Variants in PTPRM observed in about 807,000 individuals in gnomAD.
The protein encoded by PTPRM is receptor-type tyrosine-protein phosphatase mu.
Under a neutral mutation model 186.7 loss-of-function variants are expected in PTPRM, and 47 were observed. The ratio of observed to expected loss-of-function variants is 0.25; its 90% confidence interval spans 0.20 to 0.32. The LOEUF (loss-of-function observed/expected upper bound fraction) is 0.32. Among genes scored for constraint, PTPRM ranks in the 10% least tolerant of loss-of-function variants. The pLI is 1.00. For synonymous variants in PTPRM, 668 were observed against 674.9 expected (o/e 0.99, Z 0.16); for missense variants, 1,494 against 1,865.0 (o/e 0.80, Z 3.66).
intron 7 of PTPRM, among the ~76,000 whole-genome samples, chr18:8,043,584 C>T (rs1600225762): frequency 6.6e-6 from 1 of 151,412 alleles, no homozygotes; most frequent in Non-Finnish European, 1.5e-5. Flanking sequence ...TTCTTTTTCA[C>T]GTTGTTCTCC....
chr18:7,621,702 A>G (rs768245189), intron 1 of PTPRM, among the ~76,000 whole-genome samples: 3 of 152,202 alleles, frequency 2.0e-5, no homozygotes, highest in Admixed American at 6.5e-5. Context: ...AGAATGTCGT[A>G]TAGTTGGAAT....
rs761957219 is a variant in PTPRM, at chr18:8,376,144, G to T, written c.3270G>T (p.Val1090=). The change falls in exon 25 of 33, where the codon GTG becomes GTT. Residue 1090 remains valine, a synonymous_variant. Transcript: ENST00000580170. ...ATGCCACCGGCCTGCTGGGATTCGTGCGGCAAGTCAAGTCCAAGAGCCCGC... is the reference window on the plus strand; with the variant it reads ...ATGCCACCGGCCTGCTGGGATTCGTTCGGCAAGTCAAGTCCAAGAGCCCGC... ...PYHATGLLGF[V]RQVKSKSPPS... 10 of 1,613,920 alleles carry T rather than the reference G, an allele frequency of 6.2e-6. No homozygotes were observed. In the South Asian group the frequency reaches 1.1e-4, roughly 18 times the overall value.
At chr18:7,703,734 C>A (rs1295970088) in intron 1 of PTPRM, among the ~76,000 whole-genome samples, 2 of 152,152 alleles carry the variant, frequency 1.3e-5, no homozygotes, top group African/African-American at 4.8e-5. Flanking sequence ...TGAGAGAGGG[C>A]ATCCTTGTCT....
intron 2 of PTPRM, among the ~76,000 whole-genome samples, chr18:7,870,579 GA>G (rs1401969178): frequency 6.6e-6 from 1 of 152,118 alleles, no homozygotes; most frequent in Non-Finnish European, 1.5e-5. Flanking sequence ...CTGTGTAACT[GA>G]AAGATACCTT....
chr18:7,813,425 G>T (rs2044636068), intron 2 of PTPRM, among the ~76,000 whole-genome samples: 1 of 152,194 alleles, frequency 6.6e-6, no homozygotes, highest in Non-Finnish European at 1.5e-5. Flanking sequence ...CGTCCATGCT[G>T]CAGTTCAGTT....
chr18:7,580,118 C>CAA (rs1411153730), intron 1 of PTPRM, among the ~76,000 whole-genome samples: 1 of 152,176 alleles, frequency 6.6e-6, no homozygotes, highest in East Asian at 1.9e-4. Flanking sequence ...TGTAAAATGA[C>CAA]ATTTGATTCA....
chr18:7,680,449 A>G (rs2039454583), intron 1 of PTPRM, among the ~76,000 whole-genome samples: 1 of 152,198 alleles, frequency 6.6e-6, no homozygotes, highest in Admixed American at 6.5e-5. Context: ...TTGATGTTCA[A>G]TACATTGCAG....
chr18:7,694,012 C>T (rs1035916114), intron 1 of PTPRM, among the ~76,000 whole-genome samples: 1 of 152,154 alleles, frequency 6.6e-6, no homozygotes, highest in Admixed American at 6.5e-5. Flanking sequence ...ACTCAGTAGG[C>T]CGTGGGGTGT....
At chr18:7,803,527 A>G (rs145751252) in intron 2 of PTPRM, among the ~76,000 whole-genome samples, 1 of 152,166 alleles carries the variant, frequency 6.6e-6, no homozygotes, top group South Asian at 2.1e-4. Flanking sequence ...ATCCTCATGC[A>G]TTCTGGGGAT....
chr18:7,654,351 G>T (rs957295539), intron 1 of PTPRM, among the ~76,000 whole-genome samples: 4 of 151,976 alleles, frequency 2.6e-5, no homozygotes, highest in Non-Finnish European at 5.9e-5. Context: ...AAATTTTTTT[G>T]TGTGAAAAAT....
intron 1 of PTPRM, among the ~76,000 whole-genome samples, chr18:7,685,427 G>A (rs2039579835): frequency 6.6e-6 from 1 of 152,188 alleles, no homozygotes; most frequent in South Asian, 2.1e-4. Flanking sequence ...TAGAAAAGGA[G>A]CAATTACTGT....
At chr18:8,363,073 G>A (rs993889622) in intron 23 of PTPRM, among the ~76,000 whole-genome samples, 2 of 152,172 alleles carry the variant, frequency 1.3e-5, no homozygotes, top group African/African-American at 4.8e-5. Flanking sequence ...CTTGTCATGC[G>A]CTTTCAGGGC....
intron 1 of PTPRM, among the ~76,000 whole-genome samples, chr18:7,727,617 A>C (rs1000482854): frequency 6.6e-6 from 1 of 152,194 alleles, no homozygotes; most frequent in Non-Finnish European, 1.5e-5. Context: ...GCTGTTTTGC[A>C]GACATAAAAG....
At chr18:7,767,674 C>A (rs1343037352) in intron 1 of PTPRM, among the ~76,000 whole-genome samples, 2 of 152,046 alleles carry the variant, frequency 1.3e-5, no homozygotes. Context: ...CAAGAATGAC[C>A]TTTATCAACA....
At chr18:7,637,178 A>AC (rs1265298351) in intron 1 of PTPRM, among the ~76,000 whole-genome samples, 32 of 151,878 alleles carry the variant, frequency 2.1e-4, no homozygotes, top group African/African-American at 7.3e-4. Flanking sequence ...AAAAAAAAAA[A>AC]AAAAAAAACA....
chr18:7,828,098 G>A (rs1367167124), intron 2 of PTPRM, among the ~76,000 whole-genome samples: 1 of 152,118 alleles, frequency 6.6e-6, no homozygotes, highest in African/African-American at 2.4e-5. Context: ...GTGCAAGTGT[G>A]TTTAATGTTT....
At chr18:8,316,713 A>T (rs1231046588) in intron 21 of PTPRM, among the ~76,000 whole-genome samples, 10 of 152,188 alleles carry the variant, frequency 6.6e-5, no homozygotes, top group Admixed American at 6.5e-4. Flanking sequence ...CTGTATGGTC[A>T]ATTAGAAAGT....
intron 8 of PTPRM, among the ~76,000 whole-genome samples, chr18:8,074,017 A>G (rs1358768534): frequency 2.0e-5 from 3 of 152,220 alleles, no homozygotes; most frequent in African/African-American, 7.2e-5. Context: ...TATTAGTCTT[A>G]AGTCAGAACC....
At position 8,153,051 on chromosome 18, in the gene PTPRM, T is replaced by C. The variant is rs574652775; in HGVS notation, c.2300+9272T>C. Among the ~76,000 whole-genome samples, 563 of 152,262 alleles carry C rather than the reference T, an allele frequency of 3.7e-3. 4 individuals carry two copies. Among genetic ancestry groups the C allele is most frequent in the African/African-American group, 0.013 (521 of 41,554 alleles). ...GTTCTTCGTCCATTCCCCACCTCAA[T>C]GTGTATGTAGATAGCTTATTTTTGG... On this transcript the variant is annotated intron_variant, in intron 14 of 32. Coordinates refer to ENST00000580170, the MANE Select transcript of PTPRM (RefSeq NM_001105244.2).
Sources: gnomAD v4.1 joint callset for allele counts (sites outside exome capture counted in the v4.1 genomes callset) on GRCh38, gnomAD v4.1.1 for gene constraint, MANE v1.5 for transcripts, NCBI Gene and HGNC (gene_info 2026-07-23, HGNC 2026-07-21) for gene names.